The following TRAFD1 variants were observed in gnomAD, a reference collection of about 807,000 sequenced individuals.
TRAFD1 encodes the protein TRAF-type zinc finger domain-containing protein 1.
A neutral mutation model predicts 65.3 loss-of-function variants in TRAFD1; 38 were observed. The ratio of observed to expected loss-of-function variants is 0.58; its 90% CI spans 0.45 to 0.76. TRAFD1 has a LOEUF of 0.76. Ranked by LOEUF, TRAFD1 falls within the 30% of genes least tolerant of loss-of-function variation. The pLI is 0.00. For synonymous variants in TRAFD1, 223 were observed against 257.2 expected (o/e 0.87, Z 1.27); for missense variants, 631 against 712.6 (o/e 0.89, Z 1.30).
At chr12:112,140,170 C>A in intron 4 of TRAFD1, 1 of 319,560 alleles carries the variant, frequency 3.1e-6, no homozygotes, top group Non-Finnish European at 6.2e-6. Context: ...CCTGTAATCC[C>A]AGCACTTTGG....
intron 1 of TRAFD1, among the ~76,000 whole-genome samples, chr12:112,127,826 G>A (rs1455729308): frequency 2.0e-5 from 3 of 151,364 alleles, no homozygotes; most frequent in Non-Finnish European, 4.4e-5. Flanking sequence ...CACCTGTCTC[G>A]GCCTCCCAAA....
At chr12:112,134,272 A>G (rs1489868278) in intron 2 of TRAFD1, among the ~76,000 whole-genome samples, 1 of 146,492 alleles carries the variant, frequency 6.8e-6, no homozygotes, top group Non-Finnish European at 1.5e-5. Context: ...AGCCTCTCAA[A>G]GTGCTGGGAT....
chr12:112,137,149 G>A lies in TRAFD1; in HGVS notation c.237+2083G>A, dbSNP rs1385232443. 6.6e-6 allele frequency among the ~76,000 whole-genome samples: 1 copy of A among 152,164 alleles called. No homozygotes were observed. Among genetic ancestry groups the A allele is most frequent in the Non-Finnish European group, 1.5e-5 (1 of 68,022 alleles). On this transcript the variant is annotated intron_variant, in intron 4 of 11. Transcript: ENST00000412615. This position sits in a 1 kb window ranked among gnomAD's most constrained non-coding sequence, Gnocchi z 4.2. ...GAGGCAGGAGAATTGCTTGAACCTG[G>A]GAGGTGGAGGTTGCAGTGAGCCGAG...
Position 112,152,530 on chromosome 12 carries a change from TG to T in TRAFD1, c.1692+36del, listed in dbSNP as rs1166941194. The T allele has an allele frequency of 9.3e-6, 15 of 1,612,980 alleles. No individual in the cohort carries two copies. Among genetic ancestry groups the T allele is most frequent in the Non-Finnish European group, 1.3e-5 (15 of 1,179,358 alleles). ...GTGGGCTCCAGCCCATGATGCTCAG[TG>T]GGGGACTCAGACATGGTGGGGCTTG... On this transcript the variant is annotated intron_variant, in intron 11 of 11. Coordinates refer to ENST00000412615, the MANE Select transcript of TRAFD1 (RefSeq NM_006700.3). This position sits in a 1 kb window ranked among gnomAD's most constrained non-coding sequence, Gnocchi z 5.0.
chr12:112,134,918 CTGT>C (rs764562068), intron 3 of TRAFD1, 45 bp downstream of exon 3: 280 of 1,611,576 alleles, frequency 1.7e-4, no homozygotes, highest in Non-Finnish European at 2.3e-4. Context: ...GTTATACTTG[CTGT>C]TGTTCGTAAA....
In TRAFD1 at chr12:112,153,087, T is replaced by C. The variant is rs1034310574; in HGVS notation, c.*296T>C. On this transcript the variant is annotated 3_prime_UTR_variant, in exon 12 of 12. Coordinates refer to ENST00000412615, the MANE Select transcript of TRAFD1 (RefSeq NM_006700.3). Reference sequence around the variant, plus strand: ...CTCCCTTTTGACTTATTGTCGCCACTGCCCCTTGGTGCTGTGTGGTCCCAG... The same window carrying C: ...CTCCCTTTTGACTTATTGTCGCCACCGCCCCTTGGTGCTGTGTGGTCCCAG... The C allele has an allele frequency of 6.6e-5, 23 of 350,288 alleles. No individual in the cohort carries two copies. The highest frequency in any genetic ancestry group is 4.8e-4 in the African/African-American group (23 of 47,424). 21.7% of individuals were successfully genotyped at this position (350,288 alleles called of 1,614,324 possible). A position where few individuals can be genotyped will look rare whatever the true frequency, so the allele number is the denominator to read the frequency against.
At chr12:112,146,833 G>A (rs576514085) in intron 7 of TRAFD1, among the ~76,000 whole-genome samples, 6 of 152,152 alleles carry the variant, frequency 3.9e-5, no homozygotes, top group African/African-American at 1.2e-4. Flanking sequence ...TTTCCCTGAG[G>A]GCAGGTTCTG....
chr12:112,144,628 C>A (rs776541610), intron 6 of TRAFD1, among the ~76,000 whole-genome samples: 5 of 152,148 alleles, frequency 3.3e-5, no homozygotes, highest in Non-Finnish European at 7.4e-5. Flanking sequence ...TTCCTGTAAT[C>A]CCAACACTTT....
intron 7 of TRAFD1, among the ~76,000 whole-genome samples, chr12:112,145,890 A>G (rs2030226565): frequency 6.6e-6 from 1 of 152,020 alleles, no homozygotes. Flanking sequence ...GAAATTGGAA[A>G]TCATCATTCT....
At chr12:112,140,116 T>C (rs529685837) in intron 4 of TRAFD1, 59 of 335,122 alleles carry the variant, frequency 1.8e-4, no homozygotes, top group South Asian at 1.2e-3. Flanking sequence ...TCCTCATTAT[T>C]AGGTACTTAA....
intron 2 of TRAFD1, chr12:112,133,316 G>A (rs2079575407): frequency 1.3e-5 from 2 of 152,298 alleles, no homozygotes; most frequent in East Asian, 1.9e-4. Context: ...AGCCTGCTTC[G>A]AAAGGCATGT....
chr12:112,149,366 T>C (rs2030338970), intron 8 of TRAFD1: 1 of 184,280 alleles, frequency 5.4e-6, no homozygotes, highest in African/African-American at 2.4e-5. Flanking sequence ...TTTCAGCTGC[T>C]CTGAAGGTAG....
At chr12:112,136,280 GT>G (rs751115049) in intron 4 of TRAFD1, among the ~76,000 whole-genome samples, 101 of 138,342 alleles carry the variant, frequency 7.3e-4, no homozygotes, top group East Asian at 1.1e-3. Context: ...TCAGCCCAAA[GT>G]TTTTTTTTTT....
intron 6 of TRAFD1, among the ~76,000 whole-genome samples, chr12:112,142,956 T>A (rs2030132988): frequency 6.6e-6 from 1 of 151,662 alleles, no homozygotes; most frequent in Non-Finnish European, 1.5e-5. Flanking sequence ...TTGCTCTTGT[T>A]GCCCAGGTTG....
intron 6 of TRAFD1, 109 bp from the exon 7 acceptor site, chr12:112,145,477 A>G: frequency 1.9e-6 from 2 of 1,069,922 alleles, no homozygotes; most frequent in South Asian, 1.5e-5. Context: ...TCTATAAGAA[A>G]CATTAAAGAA....
intron 1 of TRAFD1, among the ~76,000 whole-genome samples, chr12:112,126,776 T>C (rs2079540151): frequency 6.6e-6 from 1 of 152,062 alleles, no homozygotes; most frequent in Admixed American, 6.6e-5. Context: ...TGCCTCAGCC[T>C]CCTGAGTAGC....
chr12:112,141,643 A>G (rs185257519), intron 5 of TRAFD1, among the ~76,000 whole-genome samples: 5 of 152,308 alleles, frequency 3.3e-5, no homozygotes, highest in Admixed American at 6.5e-5. Flanking sequence ...TTGGATTGGT[A>G]TGCTCAACCT....
Position 112,152,275 on chromosome 12 carries a change from G to A in TRAFD1, c.1619+135G>A, listed in dbSNP as rs2030430667. On this transcript the variant is annotated intron_variant, in intron 10 of 11. Transcript: ENST00000412615. The surrounding 1 kb of genome is among the most constrained non-coding windows in gnomAD (Gnocchi z 5.0). ...AAGGGGAGGAGTATGGATTTTCCCT[G>A]TATTGTCACCTGACTCCAAAAAAAT... 7.1e-7 allele frequency: 1 copy of A among 1,411,610 alleles called. No homozygotes were observed. Among genetic ancestry groups the A allele is most frequent in the Non-Finnish European group, 9.7e-7 (1 of 1,035,476 alleles). The allele number at this position is 1,411,610 out of a possible 1,614,324, so 87.4% of individuals were successfully genotyped here.
intron 7 of TRAFD1, among the ~76,000 whole-genome samples, chr12:112,146,392 T>A (rs2136979581): frequency 6.6e-6 from 1 of 151,998 alleles, no homozygotes; most frequent in East Asian, 1.9e-4. Context: ...CAGGGAATGA[T>A]GCTCATTTCA....
Sources: gnomAD v4.1 joint callset for allele counts (sites outside exome capture counted in the v4.1 genomes callset) on GRCh38, gnomAD v4.1.1 for gene constraint, Gnocchi (gnomAD v3.1) non-coding constraint, MANE v1.5 for transcripts, NCBI Gene and HGNC (gene_info 2026-07-23, HGNC 2026-07-21) for gene names.